Variants in NR3C2 observed in about 807,000 individuals in gnomAD.
The protein encoded by NR3C2 is mineralocorticoid receptor.
Under a neutral mutation model 86.4 loss-of-function variants are expected in NR3C2, and 15 were observed. The ratio of observed to expected loss-of-function variants is 0.17; its 90% CI spans 0.12 to 0.27. NR3C2 has a LOEUF of 0.27. Among genes scored for constraint, NR3C2 ranks in the 10% least tolerant of loss-of-function variants. The probability of loss-of-function intolerance (pLI) is 1.00; values close to 1 mark genes in which losing one functional copy is unlikely to be tolerated. For synonymous variants in NR3C2, 458 were observed against 450.5 expected, an observed-to-expected ratio of 1.02 and a Z score of -0.21; for missense variants, 960 against 1,195.6, an observed-to-expected ratio of 0.80 and a Z score of 2.91.
intron 2 of NR3C2, among the ~76,000 whole-genome samples, chr4:148,345,272 C>T (rs927126817): frequency 6.6e-6 from 1 of 151,448 alleles, no homozygotes. Flanking sequence ...CAGAGAGAGA[C>T]AATACATATA....
At chr4:148,083,334 G>A (rs1261671594) in intron 8 of NR3C2, among the ~76,000 whole-genome samples, 6 of 152,158 alleles carry the variant, frequency 3.9e-5, no homozygotes, top group African/African-American at 7.2e-5. Context: ...TGCCCCATTG[G>A]GACAAAGCCT....
intron 2 of NR3C2, among the ~76,000 whole-genome samples, chr4:148,281,787 A>G (rs181178348): frequency 4.3e-4 from 66 of 152,352 alleles, no homozygotes; most frequent in Non-Finnish European, 8.7e-4. Flanking sequence ...GCTAAATGCT[A>G]TAGGAGACGG....
chr4:148,323,177 C>G (rs186531613), intron 2 of NR3C2, among the ~76,000 whole-genome samples: 1 of 144,496 alleles, frequency 6.9e-6, no homozygotes, highest in East Asian at 2.2e-4. Flanking sequence ...GGGTGCCTCC[C>G]AGTTAGGCTG....
intron 8 of NR3C2, among the ~76,000 whole-genome samples, chr4:148,084,968 T>C (rs987786368): frequency 1.4e-4 from 21 of 152,084 alleles, no homozygotes; most frequent in African/African-American, 4.6e-4. Flanking sequence ...CCTAAATATA[T>C]ATGCACCCAA....
intron 2 of NR3C2, among the ~76,000 whole-genome samples, chr4:148,360,988 A>G (rs1745806817): frequency 6.6e-6 from 1 of 152,136 alleles, no homozygotes; most frequent in South Asian, 2.1e-4. Context: ...GGCCCCTTGC[A>G]ACATAAACAC....
At chr4:148,118,647 G>A (rs1410909689) in intron 7 of NR3C2, among the ~76,000 whole-genome samples, 1 of 152,158 alleles carries the variant, frequency 6.6e-6, no homozygotes, top group Admixed American at 6.5e-5. Context: ...AAGACTCAGA[G>A]TTGGTATCAA....
chr4:148,280,900 T>C (rs1018116172), intron 2 of NR3C2, among the ~76,000 whole-genome samples: 2 of 152,230 alleles, frequency 1.3e-5, no homozygotes, highest in East Asian at 3.8e-4. Context: ...ATGTGTGTAC[T>C]AATTCCTCTT....
At chr4:148,144,619 T>C (rs1578935139) in intron 6 of NR3C2, among the ~76,000 whole-genome samples, 1 of 152,228 alleles carries the variant, frequency 6.6e-6, no homozygotes. Context: ...TGGGGACTTG[T>C]ATCTACCTCT....
chr4:148,199,798 G>A (rs1736625383), intron 3 of NR3C2, among the ~76,000 whole-genome samples: 1 of 152,226 alleles, frequency 6.6e-6, no homozygotes. Flanking sequence ...TATATTCTAC[G>A]GGTTAGGAGT....
chr4:148,087,274 A>T (rs1000944211), intron 8 of NR3C2, among the ~76,000 whole-genome samples: 1 of 152,370 alleles, frequency 6.6e-6, no homozygotes, highest in Middle Eastern at 3.4e-3. Flanking sequence ...AAAGCATTCC[A>T]TGCTCATGAA....
chr4:148,139,045 A>G (rs745449528), intron 6 of NR3C2, among the ~76,000 whole-genome samples: 23 of 152,192 alleles, frequency 1.5e-4, no homozygotes, highest in Non-Finnish European at 2.4e-4. Flanking sequence ...AGCCTCTACA[A>G]CCGTAAGAAA....
At chr4:148,107,728 C>T (rs1479208476) in intron 8 of NR3C2, among the ~76,000 whole-genome samples, 7 of 152,300 alleles carry the variant, frequency 4.6e-5, no homozygotes, top group Admixed American at 1.3e-4. Context: ...CCATCATTCT[C>T]AGCAAACTAA....
rs1408591752 is a variant in NR3C2, at chr4:148,295,844, G to C, written c.1758-35727C>G. ...AATCATGAAGATGTCACAGTGGCAG[G>C]TCACGTGATCCTGCCTACCTTACCC... On this transcript the variant is annotated intron_variant, in intron 2 of 8. Transcript: ENST00000358102. 5.3e-5 allele frequency among the ~76,000 whole-genome samples: 8 copies of C among 151,872 alleles called. No individual in the cohort carries two copies. The East Asian group carries it at 1.6e-3, about 30-fold the overall frequency.
At chr4:148,206,868 C>T (rs1221911149) in intron 3 of NR3C2, among the ~76,000 whole-genome samples, 4 of 152,076 alleles carry the variant, frequency 2.6e-5, no homozygotes, top group African/African-American at 9.7e-5. Flanking sequence ...GGGCTACCAA[C>T]TATGTTCCAG....
At chr4:148,286,907 T>TA (rs1463414805) in intron 2 of NR3C2, among the ~76,000 whole-genome samples, 7 of 152,254 alleles carry the variant, frequency 4.6e-5, no homozygotes, top group Non-Finnish European at 8.8e-5. Flanking sequence ...GGAATGTCGT[T>TA]AGAGAGTCAA....
Position 148,319,776 on chromosome 4 carries a change from G to A in NR3C2, c.1758-59659C>T, listed in dbSNP as rs1186969360. ...TGCTTATCAGCTTAAGGAGATTTTGGGTTGAGACAATGGGTTTTTCTAGAT... is the reference window on the plus strand; with the variant it reads ...TGCTTATCAGCTTAAGGAGATTTTGAGTTGAGACAATGGGTTTTTCTAGAT... On this transcript the variant is annotated intron_variant, in intron 2 of 8. Coordinates refer to ENST00000358102, the MANE Select transcript of NR3C2 (RefSeq NM_000901.5). 1.3e-4 allele frequency among the ~76,000 whole-genome samples: 19 copies of A among 150,572 alleles called. No individual in the cohort carries two copies. The South Asian group carries it at 4.0e-3, about 32-fold the overall frequency.
chr4:148,288,358 A>G (rs541669530), intron 2 of NR3C2, among the ~76,000 whole-genome samples: 1 of 152,358 alleles, frequency 6.6e-6, no homozygotes, highest in East Asian at 1.9e-4. Context: ...TTCTAAATTC[A>G]TTCAGCCAGT....
chr4:148,290,947 GCAAA>G (rs1304992911), intron 2 of NR3C2, among the ~76,000 whole-genome samples: 1 of 152,062 alleles, frequency 6.6e-6, no homozygotes, highest in Non-Finnish European at 1.5e-5. Context: ...GTTAGAATGA[GCAAA>G]CAAATTAATT....
intron 2 of NR3C2, among the ~76,000 whole-genome samples, chr4:148,283,904 C>G (rs151021437): frequency 6.6e-6 from 1 of 152,186 alleles, no homozygotes; most frequent in Non-Finnish European, 1.5e-5. Context: ...ACACAGGAGA[C>G]AACTGAGACT....
Sources: allele counts gnomAD v4.1 joint callset (sites outside exome capture counted in the v4.1 genomes callset), GRCh38; gene constraint gnomAD v4.1.1; transcripts MANE v1.5; gene names NCBI Gene and HGNC (gene_info 2026-07-23, HGNC 2026-07-21).